DPY19L4: variants seen among roughly 807,000 people sequenced by gnomAD.
DPY19L4 encodes dpy-19 like 4, also known as probable C-mannosyltransferase DPY19L4.
DPY19L4 carries 97 observed loss-of-function variants against 102.8 expected under a neutral mutation model. The ratio of observed to expected loss-of-function variants is 0.94; its 90% CI spans 0.80 to 1.12. The LOEUF (loss-of-function observed/expected upper bound fraction) is 1.12. Among genes scored for constraint, DPY19L4 ranks in the 50% most tolerant of loss-of-function variants. DPY19L4 has a pLI of 0.00. For synonymous variants in DPY19L4, 252 were observed against 283.1 expected (o/e 0.89, Z 1.10); for missense variants, 815 against 850.4 (o/e 0.96, Z 0.52).
At chr8:94,781,696 AGT>A (rs1272370961) in intron 16 of DPY19L4, among the ~76,000 whole-genome samples, 1 of 152,250 alleles carries the variant, frequency 6.6e-6, no homozygotes, top group Non-Finnish European at 1.5e-5. Context: ...GAAAGGATGG[AGT>A]AGCAAGATAC....
chr8:94,734,922 G>C (rs1811131630), intron 3 of DPY19L4, among the ~76,000 whole-genome samples, 168 bp downstream of exon 3: 1 of 152,160 alleles, frequency 6.6e-6, no homozygotes, highest in African/African-American at 2.4e-5. Context: ...TACTAATAGT[G>C]TATTTCATAG....
chr8:94,734,129 G>A (rs920911121), intron 2 of DPY19L4, among the ~76,000 whole-genome samples: 1 of 145,766 alleles, frequency 6.9e-6, no homozygotes, highest in African/African-American at 2.6e-5. Flanking sequence ...GCATGATCTC[G>A]GCTTACTGCA....
chr8:94,768,384 G>T lies in DPY19L4; in HGVS notation c.1176-11G>T, dbSNP rs1255710511. ...CTATGAATTTAATATCATACTTTTT[G>T]TCTTCTATAGGAATTTTACAATGAA... On this transcript the variant is annotated splice_polypyrimidine_tract_variant and intron_variant, in intron 11 of 18. Coordinates refer to ENST00000414645, the MANE Select transcript of DPY19L4 (RefSeq NM_181787.3). 3 of 1,577,784 alleles carry T rather than the reference G, an allele frequency of 1.9e-6. No individual in the cohort carries two copies. Among genetic ancestry groups the T allele is most frequent in the Admixed American group, 2.0e-5 (1 of 49,942 alleles).
chr8:94,724,738 C>A (rs188211201), intron 1 of DPY19L4, among the ~76,000 whole-genome samples: 1 of 152,186 alleles, frequency 6.6e-6, no homozygotes, highest in East Asian at 1.9e-4. Flanking sequence ...CAGGAGTGCA[C>A]CACCACACCC....
At chr8:94,746,626 T>C (rs1013636237) in intron 6 of DPY19L4, among the ~76,000 whole-genome samples, 1 of 152,230 alleles carries the variant, frequency 6.6e-6, no homozygotes, top group Non-Finnish European at 1.5e-5. Flanking sequence ...GTTATTCTCA[T>C]GGATTCATGT....
intron 6 of DPY19L4, among the ~76,000 whole-genome samples, chr8:94,749,451 G>A (rs566605782): frequency 1.2e-4 from 18 of 152,258 alleles, no homozygotes; most frequent in African/African-American, 4.1e-4. Flanking sequence ...ACAAAGGAGT[G>A]GAGGACATTT....
At chr8:94,728,988 C>A (rs149073061) in intron 2 of DPY19L4, among the ~76,000 whole-genome samples, 1 of 150,922 alleles carries the variant, frequency 6.6e-6, no homozygotes. Flanking sequence ...CAGGACCGTC[C>A]TGGACAACAT....
chr8:94,764,997 G>C (rs576541935), intron 8 of DPY19L4, among the ~76,000 whole-genome samples, 186 bp from the exon 9 acceptor site: 1 of 151,364 alleles, frequency 6.6e-6, no homozygotes, highest in African/African-American at 2.4e-5. Context: ...GAAAGTGCTG[G>C]GATTTCAGAT....
chr8:94,768,259 A>G (rs1198146927), intron 11 of DPY19L4, 136 bp from the exon 12 acceptor site: 2 of 643,654 alleles, frequency 3.1e-6, no homozygotes, highest in Admixed American at 6.9e-5. Context: ...TTTATAAAGG[A>G]TAGTACCTTG....
chr8:94,764,717 A>ATATATATATT (rs1298234292), intron 8 of DPY19L4, among the ~76,000 whole-genome samples: 1 of 29,326 alleles, frequency 3.4e-5, no homozygotes, highest in Non-Finnish European at 5.6e-5. Flanking sequence ...ATATATATAT[A>ATATATATATT]TTTTTTTTTT....
chr8:94,757,105 C>A lies in DPY19L4; in HGVS notation c.735+946C>A, dbSNP rs77551242. 2.5e-3 allele frequency among the ~76,000 whole-genome samples: 380 copies of A among 152,266 alleles called. 2 individuals carry two copies. Among genetic ancestry groups the A allele is most frequent in the African/African-American group, 8.7e-3 (360 of 41,564 alleles). ...TATATTGAAATTGACTGAATTGTAA[C>A]AGTCCTTTGATAGTCTTCTTATCTG... On this transcript the variant is annotated intron_variant, in intron 7 of 18. Coordinates refer to ENST00000414645, the MANE Select transcript of DPY19L4 (RefSeq NM_181787.3).
chr8:94,734,577 A>G (rs1811111507), intron 2 of DPY19L4, 53 bp from the exon 3 acceptor site: 9 of 1,538,094 alleles, frequency 5.9e-6, no homozygotes, highest in Non-Finnish European at 7.9e-6. Context: ...TTTTAATTAC[A>G]TCATATCAAG....
chr8:94,739,356 T>G, intron 4 of DPY19L4, 57 bp from the exon 5 acceptor site: 1 of 1,486,968 alleles, frequency 6.7e-7, no homozygotes. Flanking sequence ...ACTAATGACA[T>G]GTTTAATTAC....
chr8:94,742,202 C>CA, intron 6 of DPY19L4, among the ~76,000 whole-genome samples: 1 of 151,984 alleles, frequency 6.6e-6, no homozygotes, highest in South Asian at 2.1e-4. Context: ...ACTAAAAATA[C>CA]AAAAAATTAG....
At position 94,784,379 on chromosome 8, in the gene DPY19L4, G is replaced by A. The variant is rs868726500; in HGVS notation, c.1848+577G>A. On this transcript the variant is annotated intron_variant, in intron 17 of 18. Transcript: ENST00000414645. ...GCACCTGCCACCACAGCCAGCTAACGTTCTTTTTAAAATATTGTTCTCAAT... is the reference window on the plus strand; with the variant it reads ...GCACCTGCCACCACAGCCAGCTAACATTCTTTTTAAAATATTGTTCTCAAT... Among the ~76,000 whole-genome samples, 141 of 152,056 alleles carry A rather than the reference G, an allele frequency of 9.3e-4. No individual in the cohort carries two copies. The Middle Eastern group carries it at 0.017, about 18-fold the overall frequency.
chr8:94,772,406 T>A (rs1199424914), intron 13 of DPY19L4, among the ~76,000 whole-genome samples: 1 of 152,170 alleles, frequency 6.6e-6, no homozygotes, highest in African/African-American at 2.4e-5. Context: ...AAAGTCATAC[T>A]CAAGTTACAG....
At chr8:94,776,550 T>C (rs564639644) in intron 13 of DPY19L4, among the ~76,000 whole-genome samples, 89 of 152,268 alleles carry the variant, frequency 5.8e-4, no homozygotes, top group African/African-American at 2.0e-3. Flanking sequence ...ACATGAAGTT[T>C]TGCATTTTGC....
chr8:94,755,638 T>A (rs902960518), intron 6 of DPY19L4, among the ~76,000 whole-genome samples: 1 of 152,018 alleles, frequency 6.6e-6, no homozygotes, highest in Non-Finnish European at 1.5e-5. Flanking sequence ...CTCATGCCTG[T>A]AATCCCAGCA....
chr8:94,770,048 C>T (rs535278535), intron 12 of DPY19L4, among the ~76,000 whole-genome samples: 10 of 151,934 alleles, frequency 6.6e-5, no homozygotes, highest in African/African-American at 2.2e-4. Context: ...CCACCATGCC[C>T]GGCTAATTTT....
Sources: gnomAD v4.1 joint callset for allele counts (sites outside exome capture counted in the v4.1 genomes callset) on GRCh38, gnomAD v4.1.1 for gene constraint, MANE v1.5 for transcripts, NCBI Gene and HGNC (gene_info 2026-07-23, HGNC 2026-07-21) for gene names.